Variants in STX8 observed in about 807,000 individuals in gnomAD.
STX8 encodes the protein syntaxin 8.
STX8 carries 23 observed loss-of-function variants against 37.5 expected under a neutral mutation model. That is an observed-to-expected ratio of 0.61 (90% CI 0.44 to 0.87). STX8 has a LOEUF of 0.87. STX8 is among the 40% of genes least tolerant of loss of function. The pLI, the probability that STX8 is intolerant of heterozygous loss-of-function variation, is 0.00. For missense variants in STX8, 313 were observed against 284.7 expected, an observed-to-expected ratio of 1.10 and a Z score of -0.71; for synonymous variants, 115 against 99.1, an observed-to-expected ratio of 1.16 and a Z score of -0.95.
chr17:9,547,080 T>C (rs1239309524), intron 3 of STX8, among the ~76,000 whole-genome samples: 3 of 151,022 alleles, frequency 2.0e-5, no homozygotes, highest in Non-Finnish European at 2.9e-5. Flanking sequence ...AAACCCCGTC[T>C]CTACTAAAAA....
intron 3 of STX8, among the ~76,000 whole-genome samples, chr17:9,546,844 A>G (rs1467894055): frequency 5.3e-5 from 8 of 150,378 alleles, no homozygotes; most frequent in Admixed American, 5.3e-4. Flanking sequence ...TGATCCGTTC[A>G]CCTCAGCCTC....
At chr17:9,356,963 T>G (rs980506336) in intron 7 of STX8, among the ~76,000 whole-genome samples, 5 of 120,222 alleles carry the variant, frequency 4.2e-5, no homozygotes, top group Non-Finnish European at 6.4e-5. Context: ...TTTAACAGTT[T>G]TTTTTTTTTT....
rs192702017 is a variant in STX8 at position 9,507,143 on chromosome 17, G to A, written c.324-1981C>T. Among the ~76,000 whole-genome samples the A allele has an allele frequency of 4.6e-5, 7 of 152,068 alleles. No homozygotes were observed. In the East Asian group the frequency reaches 9.7e-4, roughly 21 times the overall value. On this transcript the variant is annotated intron_variant, in intron 4 of 7. Transcript: ENST00000306357. The surrounding 1 kb of genome is among the most constrained non-coding windows in gnomAD (Gnocchi z 4.0). ...ACTGACAGGCTAGCAGAGTGACTACGCTCCTGCATCCCGGATCTATGAAAC... is the reference window on the plus strand; with the variant it reads ...ACTGACAGGCTAGCAGAGTGACTACACTCCTGCATCCCGGATCTATGAAAC...
Position 9,545,178 on chromosome 17 carries a change from A to T in STX8, c.317T>A (p.Leu106Gln). 1 of 1,610,978 alleles carries T rather than the reference A, an allele frequency of 6.2e-7. No homozygotes were observed. Among genetic ancestry groups the T allele is most frequent in the Non-Finnish European group, 8.5e-7 (1 of 1,177,278 alleles). The change falls in exon 4 of 8, where the codon CTA becomes CAA. Residue 106 changes from leucine to glutamine, a missense_variant. Transcript: ENST00000306357. ...GTAAATAAAAACATCCTACCTGATTAGATCTGGTTCGGCACCCTCATTCTT... is the reference window on the plus strand; with the variant it reads ...GTAAATAAAAACATCCTACCTGATTTGATCTGGTTCGGCACCCTCATTCTT... ...SFKNEGAEPDLIRSSLMSEEA... is the reference protein window; with the variant it reads ...SFKNEGAEPDQIRSSLMSEEA...
intron 6 of STX8, among the ~76,000 whole-genome samples, chr17:9,457,268 C>T (rs544082855): frequency 5.3e-5 from 8 of 152,318 alleles, no homozygotes; most frequent in Admixed American, 5.2e-4. Flanking sequence ...TTAAAATCAA[C>T]GTGTCAGAAA....
chr17:9,401,046 T>G (rs188284348), intron 6 of STX8, among the ~76,000 whole-genome samples: 10 of 152,348 alleles, frequency 6.6e-5, no homozygotes, highest in Middle Eastern at 3.4e-3. Context: ...TCTTAGGATA[T>G]GTCAGCCTGA....
intron 6 of STX8, among the ~76,000 whole-genome samples, chr17:9,426,783 T>C (rs1480853271): frequency 6.6e-6 from 1 of 151,972 alleles, no homozygotes; most frequent in Admixed American, 6.6e-5. Flanking sequence ...AAATAAAGAA[T>C]GATGGTGGTA....
intron 6 of STX8, among the ~76,000 whole-genome samples, chr17:9,450,204 T>C (rs1904990924): frequency 6.6e-6 from 1 of 151,670 alleles, no homozygotes; most frequent in African/African-American, 2.4e-5. Context: ...GCCTCCCTAG[T>C]AGCTGGGAAA....
At chr17:9,278,857 A>G (rs1248360074) in intron 7 of STX8, among the ~76,000 whole-genome samples, 1 of 151,992 alleles carries the variant, frequency 6.6e-6, no homozygotes, top group Non-Finnish European at 1.5e-5. Flanking sequence ...CAGAGCTGCT[A>G]AAGGGGCACT....
intron 6 of STX8, among the ~76,000 whole-genome samples, chr17:9,412,238 C>CA: frequency 6.6e-6 from 1 of 151,634 alleles, no homozygotes; most frequent in Non-Finnish European, 1.5e-5. Context: ...AAAATTGGTT[C>CA]AAAATCAACA....
intron 7 of STX8, among the ~76,000 whole-genome samples, chr17:9,298,369 T>C (rs767100308): frequency 6.6e-6 from 1 of 152,170 alleles, no homozygotes; most frequent in Non-Finnish European, 1.5e-5. Context: ...TTCCTGGCAA[T>C]GGAAAGGCTG....
At chr17:9,548,801 G>C (rs1180120617) in intron 3 of STX8, among the ~76,000 whole-genome samples, 8 of 152,098 alleles carry the variant, frequency 5.3e-5, no homozygotes, top group Non-Finnish European at 1.2e-4. Flanking sequence ...GCTAAACAGT[G>C]AGTAGTGTGC....
intron 6 of STX8, among the ~76,000 whole-genome samples, chr17:9,486,353 T>A (rs992221673): frequency 6.6e-6 from 1 of 152,140 alleles, no homozygotes; most frequent in African/African-American, 2.4e-5. Flanking sequence ...AAAGGATTGG[T>A]CAATTTGGGA....
intron 4 of STX8, among the ~76,000 whole-genome samples, chr17:9,506,692 C>A (rs1904851231): frequency 1.3e-5 from 2 of 152,062 alleles, no homozygotes; most frequent in Non-Finnish European, 2.9e-5. Flanking sequence ...CACCTACAGT[C>A]CTTATTACAG....
chr17:9,356,851 G>A (rs1006446322), intron 7 of STX8, among the ~76,000 whole-genome samples: 2 of 151,886 alleles, frequency 1.3e-5, no homozygotes, highest in South Asian at 2.1e-4. Flanking sequence ...GTGCAGCAGC[G>A]CATTTGCATC....
intron 6 of STX8, among the ~76,000 whole-genome samples, chr17:9,431,921 T>A (rs1215752677): frequency 6.6e-6 from 1 of 152,210 alleles, no homozygotes; most frequent in Non-Finnish European, 1.5e-5. Flanking sequence ...CATTTTGTAA[T>A]GCTGTGACTA....
intron 4 of STX8, among the ~76,000 whole-genome samples, chr17:9,539,886 G>A (rs1428377360): frequency 6.6e-6 from 1 of 152,196 alleles, no homozygotes; most frequent in East Asian, 1.9e-4. Flanking sequence ...CGTTCCCTAA[G>A]AGTTGGTATT....
intron 5 of STX8, among the ~76,000 whole-genome samples, chr17:9,499,475 T>C (rs532486991): frequency 6.6e-6 from 1 of 152,330 alleles, no homozygotes; most frequent in African/African-American, 2.4e-5. Context: ...CTCGGCTCAC[T>C]GCAACCTCCG....
chr17:9,301,590 C>T (rs942626919), intron 7 of STX8, among the ~76,000 whole-genome samples: 2 of 151,124 alleles, frequency 1.3e-5, no homozygotes, highest in Admixed American at 1.3e-4. Context: ...TCACGCCATT[C>T]TCCTGCTTCA....
Sources: allele counts gnomAD v4.1 joint callset (sites outside exome capture counted in the v4.1 genomes callset), GRCh38; gene constraint gnomAD v4.1.1; non-coding constraint Gnocchi (gnomAD v3.1); transcripts MANE v1.5; gene names NCBI Gene and HGNC (gene_info 2026-07-23, HGNC 2026-07-21).